The following NAALADL2 variants were observed in gnomAD, a reference collection of about 807,000 sequenced individuals.
NAALADL2 encodes N-acetylated alpha-linked acidic dipeptidase like 2.
NAALADL2 carries 76 observed loss-of-function variants against 87.2 expected under a neutral mutation model. The observed-to-expected ratio is 0.87, with a 90% CI of 0.72 to 1.05. The LOEUF (loss-of-function observed/expected upper bound fraction) is 1.05. NAALADL2 is among the 50% of genes least tolerant of loss of function. The pLI is 0.00. For synonymous variants in NAALADL2, 354 were observed against 331.0 expected (o/e 1.07, Z -0.75); for missense variants, 1,089 against 945.8 (o/e 1.15, Z -1.99).
chr3:175,209,227 G>A (rs1320532354), intron 2 of NAALADL2, among the ~76,000 whole-genome samples: 1 of 152,012 alleles, frequency 6.6e-6, no homozygotes, highest in Non-Finnish European at 1.5e-5. Flanking sequence ...AACATGAATA[G>A]ATGTACTGCA....
chr3:174,689,157 G>A (rs779181591), intron 2 of NAALADL2, among the ~76,000 whole-genome samples: 3 of 151,930 alleles, frequency 2.0e-5, no homozygotes, highest in Non-Finnish European at 4.4e-5. Flanking sequence ...TATTAATTAC[G>A]AACCTGTTTT....
chr3:174,990,821 C>T (rs1746629876), intron 1 of NAALADL2, among the ~76,000 whole-genome samples: 1 of 152,140 alleles, frequency 6.6e-6, no homozygotes. Flanking sequence ...TTTGATTGGT[C>T]TGGGGTACAT....
intron 3 of NAALADL2, among the ~76,000 whole-genome samples, chr3:174,833,037 C>T (rs762032555): frequency 1.3e-5 from 2 of 152,148 alleles, no homozygotes; most frequent in Non-Finnish European, 1.5e-5. Flanking sequence ...CATTCTACCC[C>T]ACTTCCTTCA....
chr3:175,577,689 A>G (rs1045206689), intron 10 of NAALADL2, among the ~76,000 whole-genome samples: 2 of 152,204 alleles, frequency 1.3e-5, no homozygotes, highest in African/African-American at 4.8e-5. Context: ...CCAAAAAAAG[A>G]ATTAAAATGG....
chr3:175,275,469 T>C (rs1296559675), intron 4 of NAALADL2, among the ~76,000 whole-genome samples: 1 of 123,288 alleles, frequency 8.1e-6, no homozygotes, highest in Non-Finnish European at 1.8e-5. Context: ...TTTTATGTAG[T>C]TGGGCGGGCC....
intron 1 of NAALADL2, among the ~76,000 whole-genome samples, chr3:175,083,478 A>T (rs955986184): frequency 1.3e-5 from 2 of 152,322 alleles, no homozygotes; most frequent in African/African-American, 4.8e-5. Flanking sequence ...TAAACCACAC[A>T]TTTATAAAAT....
chr3:174,985,724 G>A (rs566582675), intron 1 of NAALADL2, among the ~76,000 whole-genome samples: 6 of 152,194 alleles, frequency 3.9e-5, no homozygotes, highest in African/African-American at 9.6e-5. Context: ...AGTCTGAGGC[G>A]GGATGGTCAC....
At chr3:175,351,694 C>A (rs189582251) in intron 5 of NAALADL2, among the ~76,000 whole-genome samples, 107 of 151,872 alleles carry the variant, frequency 7.0e-4, no homozygotes, top group Middle Eastern at 3.4e-3. Context: ...CAGCGAATTG[C>A]GATATCTTCA....
chr3:174,706,647 C>T (rs914343311), intron 2 of NAALADL2, among the ~76,000 whole-genome samples: 1 of 152,144 alleles, frequency 6.6e-6, no homozygotes, highest in African/African-American at 2.4e-5. Flanking sequence ...TTAATTAGAT[C>T]CCATTTGTCA....
At chr3:174,731,632 A>T (rs1374110683) in intron 2 of NAALADL2, among the ~76,000 whole-genome samples, 1 of 152,186 alleles carries the variant, frequency 6.6e-6, no homozygotes, top group African/African-American at 2.4e-5. Flanking sequence ...GTGAATTGGA[A>T]TCAGTTGGAG....
intron 2 of NAALADL2, among the ~76,000 whole-genome samples, chr3:174,683,147 T>C (rs1033035470): frequency 6.6e-6 from 1 of 152,170 alleles, no homozygotes; most frequent in African/African-American, 2.4e-5. Flanking sequence ...TGCAGCATAA[T>C]TGATCCAGCA....
intron 5 of NAALADL2, among the ~76,000 whole-genome samples, chr3:175,366,783 C>T (rs1199026809): frequency 7.1e-4 from 107 of 151,120 alleles, no homozygotes; most frequent in African/African-American, 1.1e-3. Flanking sequence ...GAGTAGGTTG[C>T]GAAAATTTTC....
At chr3:175,536,710 T>G (rs1020743211) in intron 9 of NAALADL2, among the ~76,000 whole-genome samples, 51 of 152,348 alleles carry the variant, frequency 3.3e-4, no homozygotes, top group African/African-American at 1.2e-3. Flanking sequence ...AGACAGGGTT[T>G]CACCGTGTTA....
intron 1 of NAALADL2, among the ~76,000 whole-genome samples, chr3:174,903,701 G>T (rs1215507964): frequency 1.3e-5 from 2 of 151,704 alleles, no homozygotes; most frequent in African/African-American, 4.8e-5. Context: ...AAAAATCATG[G>T]GTATTATTCC....
intron 3 of NAALADL2, among the ~76,000 whole-genome samples, chr3:174,822,770 A>G (rs1347070264): frequency 1.3e-5 from 2 of 152,236 alleles, no homozygotes; most frequent in Non-Finnish European, 2.9e-5. Context: ...GAATGCAACT[A>G]TGGGAACTCT....
chr3:175,635,850 C>G (rs1004294631), intron 11 of NAALADL2, among the ~76,000 whole-genome samples: 3 of 152,038 alleles, frequency 2.0e-5, no homozygotes, highest in Non-Finnish European at 4.4e-5. Context: ...CAGAATAACT[C>G]TAGGTCGACA....
At chr3:174,989,963 C>T (rs1746491912) in intron 1 of NAALADL2, among the ~76,000 whole-genome samples, 1 of 151,972 alleles carries the variant, frequency 6.6e-6, no homozygotes, top group Admixed American at 6.6e-5. Flanking sequence ...TTATTTGCTG[C>T]TTCACTTGGT....
At chr3:174,536,493 G>C (rs145605163) in intron 1 of NAALADL2, 7 of 152,076 alleles carry the variant, frequency 4.6e-5, no homozygotes, top group African/African-American at 7.2e-5. Context: ...AGCAACTGTC[G>C]TTTTGAGTGA....
At chr3:174,548,693 AT>A (rs1711721662) in intron 1 of NAALADL2, among the ~76,000 whole-genome samples, 1 of 152,130 alleles carries the variant, frequency 6.6e-6, no homozygotes, top group Non-Finnish European at 1.5e-5. Flanking sequence ...CTGGATTGTT[AT>A]TAACAATTTT....
Sources: allele counts gnomAD v4.1 joint callset (sites outside exome capture counted in the v4.1 genomes callset), GRCh38; gene constraint gnomAD v4.1.1; transcripts MANE v1.5; gene names NCBI Gene and HGNC (gene_info 2026-07-23, HGNC 2026-07-21).